Variants in CREB5 observed in about 807,000 individuals in gnomAD.
CREB5 encodes the protein cyclic AMP-responsive element-binding protein 5.
A neutral mutation model predicts 57.1 loss-of-function variants in CREB5; 19 were observed. The observed-to-expected ratio is 0.33, with a 90% confidence interval of 0.23 to 0.49. The LOEUF (loss-of-function observed/expected upper bound fraction) is 0.49, where lower values mean the gene tolerates loss of function less well. CREB5 is among the 20% of genes least tolerant of loss of function. CREB5 has a pLI of 0.99. For missense variants in CREB5, 579 were observed against 671.6 expected (o/e 0.86, Z 1.52); for synonymous variants, 238 against 238.3 (o/e 1.00, Z 0.01).
chr7:28,475,915 C>T (rs1275654545), intron 1 of CREB5, among the ~76,000 whole-genome samples: 4 of 152,202 alleles, frequency 2.6e-5, no homozygotes, highest in Non-Finnish European at 5.9e-5. Context: ...TCTTCCCTGG[C>T]TTGCTCAGCC....
At chr7:28,490,554 T>G (rs1791751942) in intron 2 of CREB5, among the ~76,000 whole-genome samples, 1 of 152,230 alleles carries the variant, frequency 6.6e-6, no homozygotes, top group African/African-American at 2.4e-5. Flanking sequence ...CATTAGTCAT[T>G]AGACTGTATG....
At chr7:28,768,123 G>A (rs530764894) in intron 7 of CREB5, among the ~76,000 whole-genome samples, 1 of 152,288 alleles carries the variant, frequency 6.6e-6, no homozygotes, top group African/African-American at 2.4e-5. Context: ...TTGTAGACAG[G>A]AGTTGGGGTG....
chr7:28,457,310 A>G (rs901421371), intron 1 of CREB5, among the ~76,000 whole-genome samples: 2 of 152,266 alleles, frequency 1.3e-5, no homozygotes, highest in East Asian at 1.9e-4. Flanking sequence ...GAATTTTACC[A>G]TTGCTAGATT....
intron 9 of CREB5, 70 bp downstream of exon 9, chr7:28,809,484 G>A (rs1197913682): frequency 7.1e-7 from 1 of 1,415,580 alleles, no homozygotes; most frequent in Middle Eastern, 2.5e-4. Context: ...GGCCCTGACA[G>A]GCACTTGTTG....
chr7:28,819,459 G>T lies in CREB5; in HGVS notation c.*180G>T, dbSNP rs1809638941. The T allele has an allele frequency of 1.6e-6, 1 of 609,342 alleles. No homozygotes were observed. Among genetic ancestry groups the T allele is most frequent in the Non-Finnish European group, 2.7e-6 (1 of 375,424 alleles). 37.7% of individuals were successfully genotyped at this position (609,342 alleles called of 1,614,324 possible). A position where few individuals can be genotyped will look rare whatever the true frequency, so the allele number is the denominator to read the frequency against. ...TTATACTTAGTTATATAAGAAAAAA[G>T]GGAGTTATGCAATTAATATCTATCA... On this transcript the variant is annotated 3_prime_UTR_variant, in exon 11 of 11. Coordinates refer to ENST00000357727, the MANE Select transcript of CREB5 (RefSeq NM_182898.4).
intron 6 of CREB5, among the ~76,000 whole-genome samples, chr7:28,720,205 G>C (rs1299425445): frequency 1.3e-5 from 2 of 152,158 alleles, no homozygotes; most frequent in African/African-American, 4.8e-5. Flanking sequence ...GTATTCACAG[G>C]GCCACCGGAG....
intron 1 of CREB5, among the ~76,000 whole-genome samples, chr7:28,415,444 C>A (rs1787988693): frequency 6.6e-6 from 1 of 152,158 alleles, no homozygotes; most frequent in African/African-American, 2.4e-5. Context: ...ATCCTTCACT[C>A]TTTTCAAGCC....
chr7:28,510,354 T>C (rs557013524), intron 4 of CREB5, among the ~76,000 whole-genome samples: 58 of 152,382 alleles, frequency 3.8e-4, no homozygotes, highest in South Asian at 3.7e-3. Flanking sequence ...AGTTGTCTTC[T>C]GATTTCTTTT....
chr7:28,560,866 C>CGTGCGCGCGTGCGTGCGCGCGCGTGCGTG (rs1562797336), intron 4 of CREB5, among the ~76,000 whole-genome samples: 1 of 50,264 alleles, frequency 2.0e-5, no homozygotes, highest in Non-Finnish European at 4.3e-5. Context: ...GTGCGTGTGC[C>CGTGCGCGCGTGCGTGCGCGCGCGTGCGTG]TGCGTGCGCG....
intron 5 of CREB5, among the ~76,000 whole-genome samples, chr7:28,653,948 C>T (rs1177107179): frequency 6.6e-6 from 1 of 152,140 alleles, no homozygotes; most frequent in African/African-American, 2.4e-5. Flanking sequence ...CTTTTGGATC[C>T]AGAGACATTT....
chr7:28,322,937 T>G (rs997083263), intron 1 of CREB5, among the ~76,000 whole-genome samples: 1 of 152,128 alleles, frequency 6.6e-6, no homozygotes, highest in African/African-American at 2.4e-5. Context: ...AATTATCCAC[T>G]CCTAAGACCA....
At chr7:28,409,953 G>A, upstream of CREB5, 1 of 453,876 alleles carries the variant, frequency 2.2e-6, no homozygotes, top group Non-Finnish European at 4.4e-6. This position sits in a 1 kb window ranked among gnomAD's most constrained non-coding sequence, Gnocchi z 4.4. Flanking sequence ...CGGAGACGGC[G>A]AGCCAGGAAC....
chr7:28,464,070 T>G (rs1465188151), intron 1 of CREB5, among the ~76,000 whole-genome samples: 3 of 152,224 alleles, frequency 2.0e-5, no homozygotes, highest in Non-Finnish European at 4.4e-5. Context: ...GTAGTTTTTC[T>G]TTTTGTAGGC....
intron 5 of CREB5, among the ~76,000 whole-genome samples, chr7:28,651,118 G>A (rs41328): frequency 0.16 from 24,157 of 151,906 alleles, 2,389 homozygotes; most frequent in African/African-American, 0.28. Context: ...TAGGAAAAGT[G>A]GGTTTGCACC....
chr7:28,809,684 G>A (rs1010954268), intron 9 of CREB5, among the ~76,000 whole-genome samples: 1 of 152,204 alleles, frequency 6.6e-6, no homozygotes, highest in African/African-American at 2.4e-5. Context: ...GCTTTAATCC[G>A]ACAGAGATCC....
chr7:28,703,572 T>G (rs1801967252), intron 5 of CREB5, among the ~76,000 whole-genome samples: 1 of 152,002 alleles, frequency 6.6e-6, no homozygotes, highest in African/African-American at 2.4e-5. Flanking sequence ...AAGCAGATGG[T>G]GTAAATTCCA....
At chr7:28,324,345 G>T (rs1372715739) in intron 1 of CREB5, among the ~76,000 whole-genome samples, 1 of 151,958 alleles carries the variant, frequency 6.6e-6, no homozygotes, top group Admixed American at 6.6e-5. Context: ...CAGTCATTCC[G>T]GTTGAGTTTC....
intron 7 of CREB5, chr7:28,749,282 A>G (rs944875908): frequency 1.3e-5 from 2 of 152,226 alleles, no homozygotes; most frequent in African/African-American, 4.8e-5. Context: ...GATTTATTTT[A>G]ATAATATCTT....
intron 5 of CREB5, among the ~76,000 whole-genome samples, chr7:28,571,064 A>G (rs747204113): frequency 1.3e-5 from 2 of 152,046 alleles, no homozygotes; most frequent in Non-Finnish European, 1.5e-5. Context: ...TGTGTTTTCC[A>G]TCTGATAACT....
Sources: allele counts gnomAD v4.1 joint callset (sites outside exome capture counted in the v4.1 genomes callset), GRCh38; gene constraint gnomAD v4.1.1; non-coding constraint Gnocchi (gnomAD v3.1); transcripts MANE v1.5; gene names NCBI Gene and HGNC (gene_info 2026-07-23, HGNC 2026-07-21).